KHDRBS2: variants seen among roughly 807,000 people sequenced by gnomAD.
KHDRBS2 encodes the protein KH RNA binding domain containing, signal transduction associated 2, also known as KH domain-containing, RNA-binding, signal transduction-associated protein 2.
In KHDRBS2, 26 loss-of-function variants were observed where a neutral mutation model predicts 44.3. The observed-to-expected ratio is 0.59, with a 90% CI of 0.43 to 0.81. The LOEUF (loss-of-function observed/expected upper bound fraction) is 0.81. Ranked by LOEUF, KHDRBS2 falls within the 40% of genes least tolerant of loss-of-function variation. The pLI is 0.00. For missense variants in KHDRBS2, 476 were observed against 433.1 expected (o/e 1.10, Z -0.88); for synonymous variants, 194 against 151.1 (o/e 1.28, Z -2.08).
chr6:61,786,346 T>A (rs1783803534), intron 6 of KHDRBS2, among the ~76,000 whole-genome samples: 1 of 152,060 alleles, frequency 6.6e-6, no homozygotes, highest in African/African-American at 2.4e-5. Context: ...GTCTTTTTCA[T>A]GATTAGGGGT....
intron 2 of KHDRBS2, among the ~76,000 whole-genome samples, chr6:62,051,738 CATCT>C (rs1336508493): frequency 1.3e-5 from 2 of 151,932 alleles, no homozygotes; most frequent in Non-Finnish European, 2.9e-5. Flanking sequence ...GCAAAGCACA[CATCT>C]ATTAAGGGTT....
the KHDRBS2 span, among the ~76,000 whole-genome samples, chr6:61,585,785 T>C: frequency 6.6e-6 from 1 of 152,172 alleles, no homozygotes; most frequent in South Asian, 2.1e-4. Context: ...TTGCTTCAGG[T>C]TGATACCAAG....
At chr6:61,970,244 T>C (rs1771050734) in intron 4 of KHDRBS2, among the ~76,000 whole-genome samples, 1 of 152,018 alleles carries the variant, frequency 6.6e-6, no homozygotes, top group African/African-American at 2.4e-5. Flanking sequence ...CCCATGTTAC[T>C]TGATTGGGTC....
chr6:61,801,032 G>A (rs76285305), intron 6 of KHDRBS2, among the ~76,000 whole-genome samples: 3 of 152,124 alleles, frequency 2.0e-5, no homozygotes, highest in Non-Finnish European at 2.9e-5. Context: ...ATTTGCACCT[G>A]TCTAAGGATG....
chr6:62,087,627 T>G (rs547804018), intron 2 of KHDRBS2, among the ~76,000 whole-genome samples: 1 of 152,234 alleles, frequency 6.6e-6, no homozygotes, highest in South Asian at 2.1e-4. Context: ...CCTTAACATT[T>G]TTTCCTTTAT....
At chr6:61,617,832 G>GA in the KHDRBS2 span, among the ~76,000 whole-genome samples, 1 of 152,038 alleles carries the variant, frequency 6.6e-6, no homozygotes, top group Non-Finnish European at 1.5e-5. Context: ...ACATTCCCTA[G>GA]AAATAATTAG....
chr6:61,956,904 T>TTCATCATCATCA (rs113300633), intron 4 of KHDRBS2, among the ~76,000 whole-genome samples: 25,277 of 148,214 alleles, frequency 0.17, 2,609 homozygotes, highest in East Asian at 0.31. Flanking sequence ...GTTATTGGTT[T>TTCATCATCATCA]TCATCATCAT....
intron 7 of KHDRBS2, among the ~76,000 whole-genome samples, chr6:61,713,453 C>T (rs946804070): frequency 2.0e-5 from 3 of 151,700 alleles, no homozygotes; most frequent in South Asian, 2.1e-4. Flanking sequence ...TATTAGTTTT[C>T]CAATTCTATG....
intron 6 of KHDRBS2, among the ~76,000 whole-genome samples, chr6:61,746,248 G>A (rs556824548): frequency 7.9e-5 from 12 of 152,130 alleles, no homozygotes; most frequent in South Asian, 4.1e-4. Flanking sequence ...TTTAGAAGAC[G>A]TCATCTAAGG....
chr6:62,041,326 C>T (rs1261681994), intron 3 of KHDRBS2, among the ~76,000 whole-genome samples: 1 of 151,426 alleles, frequency 6.6e-6, no homozygotes, highest in Non-Finnish European at 1.5e-5. Flanking sequence ...AATGAGACTC[C>T]GTCTCAATAA....
chr6:62,136,478 T>A (rs1043273817), intron 2 of KHDRBS2, among the ~76,000 whole-genome samples: 1 of 152,266 alleles, frequency 6.6e-6, no homozygotes, highest in Non-Finnish European at 1.5e-5. Context: ...TTCATTACCA[T>A]TAATACATTT....
In KHDRBS2 at chr6:61,750,344, G is replaced by C. The variant is rs181245813; in HGVS notation, c.811-17580C>G. ...ATAATTGTGATCGTGCTTATACAAA[G>C]ACTGGTAAAGTGGGAAACAAGAGGA... On this transcript the variant is annotated intron_variant, in intron 6 of 8. Coordinates refer to ENST00000281156, the MANE Select transcript of KHDRBS2 (RefSeq NM_152688.4). Among the ~76,000 whole-genome samples the C allele has an allele frequency of 1.9e-3, 288 of 152,276 alleles. 1 individual carries two copies. Among genetic ancestry groups the C allele is most frequent in the Non-Finnish European group, 2.4e-3 (163 of 68,008 alleles).
At chr6:61,697,389 T>C (rs1023227679) in intron 7 of KHDRBS2, 136 bp from the exon 8 acceptor site, 4 of 641,082 alleles carry the variant, frequency 6.2e-6, no homozygotes, top group Admixed American at 2.7e-5. Context: ...CAATCCTAAA[T>C]AAATCTTCAG....
chr6:61,671,674 G>A, the KHDRBS2 span, among the ~76,000 whole-genome samples: 211 of 151,680 alleles, frequency 1.4e-3, no homozygotes, highest in African/African-American at 4.8e-3. Flanking sequence ...TTGGAAACTA[G>A]AATTTAACTA....
intron 4 of KHDRBS2, among the ~76,000 whole-genome samples, chr6:61,944,174 AAAAGGAATCATTATATC>A (rs1205505358): frequency 1.3e-5 from 2 of 152,174 alleles, no homozygotes; most frequent in Admixed American, 1.3e-4. Context: ...TATCCAAAGG[AAAAGGAATCATTATATC>A]AAAGGAATAT....
intron 2 of KHDRBS2, among the ~76,000 whole-genome samples, chr6:62,152,684 CCTGA>C (rs1429350762): frequency 6.6e-6 from 1 of 152,118 alleles, no homozygotes; most frequent in Non-Finnish European, 1.5e-5. Flanking sequence ...CAAATCTTGA[CCTGA>C]CTAAATCCTC....
intron 1 of KHDRBS2, among the ~76,000 whole-genome samples, chr6:62,281,494 C>T (rs1841794100): frequency 6.6e-6 from 1 of 151,956 alleles, no homozygotes; most frequent in African/African-American, 2.4e-5. Flanking sequence ...GTGGCACGCA[C>T]CTGTAATCCC....
At chr6:61,703,341 T>C (rs544115344) in intron 7 of KHDRBS2, among the ~76,000 whole-genome samples, 1 of 151,994 alleles carries the variant, frequency 6.6e-6, no homozygotes, top group South Asian at 2.1e-4. Flanking sequence ...GAGCTTTTGA[T>C]ATACATGGTG....
intron 3 of KHDRBS2, among the ~76,000 whole-genome samples, chr6:62,025,941 G>T (rs1783230514): frequency 6.6e-6 from 1 of 151,948 alleles, no homozygotes; most frequent in Admixed American, 6.6e-5. Context: ...TCTCATAAGT[G>T]ACATTGTATG....
Sources: gnomAD v4.1 joint callset for allele counts (sites outside exome capture counted in the v4.1 genomes callset) on GRCh38, gnomAD v4.1.1 for gene constraint, MANE v1.5 for transcripts, NCBI Gene and HGNC (gene_info 2026-07-23, HGNC 2026-07-21) for gene names.